The following TPST1 variants were observed in gnomAD, a reference collection of about 807,000 sequenced individuals.
The protein encoded by TPST1 is protein-tyrosine sulfotransferase 1.
Under a neutral mutation model 34.8 loss-of-function variants are expected in TPST1, and 20 were observed. The observed-to-expected ratio is 0.57, with a 90% CI of 0.40 to 0.84. The LOEUF (loss-of-function observed/expected upper bound fraction) is 0.84. Among genes scored for constraint, TPST1 ranks in the 40% least tolerant of loss-of-function variants. The probability of loss-of-function intolerance (pLI) is 0.00; values close to 1 mark genes in which losing one functional copy is unlikely to be tolerated. For missense variants in TPST1, 353 were observed against 455.5 expected, an observed-to-expected ratio of 0.78 and a Z score of 2.05; for synonymous variants, 152 against 159.4, an observed-to-expected ratio of 0.95 and a Z score of 0.35.
intron 2 of TPST1, among the ~76,000 whole-genome samples, chr7:66,268,945 A>G (rs1790644682): frequency 6.6e-6 from 1 of 152,238 alleles, no homozygotes; most frequent in Admixed American, 6.5e-5. Flanking sequence ...GGCCTCCCAA[A>G]GTGCTGAGGT....
At chr7:66,276,506 T>G (rs1790819372) in intron 2 of TPST1, among the ~76,000 whole-genome samples, 1 of 151,226 alleles carries the variant, frequency 6.6e-6, no homozygotes, top group South Asian at 2.1e-4. Flanking sequence ...CTCAAGTAGC[T>G]GCGAGTACAG....
intron 2 of TPST1, among the ~76,000 whole-genome samples, chr7:66,280,962 G>T (rs1048573096): frequency 1.3e-5 from 2 of 152,210 alleles, no homozygotes; most frequent in Admixed American, 1.3e-4. Flanking sequence ...TTGGCTGTGG[G>T]TTTGTCATAG....
intron 3 of TPST1, among the ~76,000 whole-genome samples, chr7:66,300,671 T>G (rs952674080): frequency 2.6e-5 from 4 of 152,140 alleles, no homozygotes; most frequent in Admixed American, 6.6e-5. Context: ...CAGGGCCAGG[T>G]GCAGTGTCTT....
rs570546476 is a variant in TPST1 at position 66,338,377 on chromosome 7, A to T, written c.1045-14128A>T. On this transcript the variant is annotated intron_variant, in intron 3 of 5. Transcript: ENST00000304842. Reference sequence around the variant, plus strand: ...TAAAGAGAGAGATAGACTGCAATACAGTAATACTAGGGAACATCCACACTT... The same window carrying T: ...TAAAGAGAGAGATAGACTGCAATACTGTAATACTAGGGAACATCCACACTT... 2.0e-5 allele frequency among the ~76,000 whole-genome samples: 3 copies of T among 152,334 alleles called. No homozygotes were observed. In the East Asian group the frequency reaches 5.8e-4, roughly 29 times the overall value.
chr7:66,301,792 T>C (rs1038506011), intron 3 of TPST1, among the ~76,000 whole-genome samples: 1 of 152,140 alleles, frequency 6.6e-6, no homozygotes, highest in African/African-American at 2.4e-5. Context: ...ACATCAAAGA[T>C]CTCTGATCGC....
chr7:66,202,269 G>A (rs1413761530), upstream of TPST1, among the ~76,000 whole-genome samples: 1 of 152,098 alleles, frequency 6.6e-6, no homozygotes, highest in East Asian at 1.9e-4. Flanking sequence ...CTGCCTCAGA[G>A]GCTGGACCCT....
rs1417258377 is a variant in TPST1, at chr7:66,286,591, A to G, written c.926A>G (p.Asp309Gly). 6.2e-7 allele frequency: 1 copy of G among 1,610,488 alleles called. No individual in the cohort carries two copies. Among genetic ancestry groups the G allele is most frequent in the African/African-American group, 1.3e-5 (1 of 74,798 alleles). Residue 309 changes from aspartate to glycine, a missense_variant, in exon 3 of 6, where the codon GAT (aspartate) becomes GGT (glycine). Asp to Gly is a moderately conservative substitution (Grantham distance 94). Transcript: ENST00000304842. ...LSKWVGKIPP[D>G]VLQDMAVIAP... ...AAATGGGTTGGGAAGATACCGCCAGATGTTTTACAAGACATGGCAGTGATT... is the reference window on the plus strand; with the variant it reads ...AAATGGGTTGGGAAGATACCGCCAGGTGTTTTACAAGACATGGCAGTGATT...
At chr7:66,283,429 A>C (rs1384180806) in intron 2 of TPST1, among the ~76,000 whole-genome samples, 1 of 152,126 alleles carries the variant, frequency 6.6e-6, no homozygotes, top group Non-Finnish European at 1.5e-5. Context: ...GTTAGATAGT[A>C]AATATTTTAG....
chr7:66,255,052 C>T (rs1202599588), intron 2 of TPST1, among the ~76,000 whole-genome samples: 2 of 148,078 alleles, frequency 1.4e-5, no homozygotes, highest in Non-Finnish European at 3.0e-5. Context: ...GAGGCTGAGG[C>T]AGGAGAATGG....
intron 5 of TPST1, among the ~76,000 whole-genome samples, chr7:66,358,760 G>C (rs373147673): frequency 6.6e-6 from 1 of 152,154 alleles, no homozygotes; most frequent in Non-Finnish European, 1.5e-5. Flanking sequence ...TCAGGCCTTG[G>C]CTAATTTTGT....
chr7:66,229,573 T>G (rs2116335029), intron 1 of TPST1, among the ~76,000 whole-genome samples: 1 of 152,362 alleles, frequency 6.6e-6, no homozygotes, highest in South Asian at 2.1e-4. Context: ...TTGGTGATTA[T>G]GACTAGAGCT....
intron 2 of TPST1, among the ~76,000 whole-genome samples, chr7:66,258,277 TC>T (rs1790418283): frequency 6.6e-6 from 1 of 152,234 alleles, no homozygotes; most frequent in Non-Finnish European, 1.5e-5. Context: ...CCTGTTAAAA[TC>T]CTTGGAAGAA....
chr7:66,292,824 C>G (rs1043959623), intron 3 of TPST1, among the ~76,000 whole-genome samples: 1 of 151,074 alleles, frequency 6.6e-6, no homozygotes, highest in African/African-American at 2.4e-5. Flanking sequence ...TCTTCTGCGT[C>G]GCTCACGCTG....
Position 66,240,473 on chromosome 7 carries a change from T to G in TPST1, c.48T>G (p.Ile16Met). The G allele has an allele frequency of 1.2e-6, 2 of 1,614,188 alleles. No homozygotes were observed. Among genetic ancestry groups the G allele is most frequent in the Non-Finnish European group, 1.7e-6 (2 of 1,180,036 alleles). Residue 16 changes from isoleucine to methionine, a missense_variant, in exon 2 of 6, where the codon ATT (isoleucine) becomes ATG (methionine). Transcript: ENST00000304842. ...ACTTACTATTGGCATGTCTGGTGAT[T>G]AGTTCTGTGACTGTGTTTTACCTGG... ...KQNLLLACLV[I>M]SSVTVFYLGQ...
intron 3 of TPST1, among the ~76,000 whole-genome samples, chr7:66,296,676 G>GT (rs55888171): frequency 0.033 from 3,066 of 92,076 alleles, 116 homozygotes; most frequent in East Asian, 0.099. Flanking sequence ...TACTGGGTTG[G>GT]TTTTTTTTTT....
chr7:66,309,889 T>C (rs1032205375), intron 3 of TPST1, among the ~76,000 whole-genome samples: 12 of 152,046 alleles, frequency 7.9e-5, no homozygotes, highest in Admixed American at 7.9e-4. Flanking sequence ...CATGTGTGCA[T>C]GGGAGTTATA....
chr7:66,329,278 G>A (rs1791948374), intron 3 of TPST1, among the ~76,000 whole-genome samples: 2 of 152,120 alleles, frequency 1.3e-5, no homozygotes, highest in South Asian at 4.1e-4. Flanking sequence ...TATTTGTTGT[G>A]TTGAAACTAT....
intron 1 of TPST1, among the ~76,000 whole-genome samples, chr7:66,227,042 T>TTTTTTTTG: frequency 7.7e-6 from 1 of 130,712 alleles, no homozygotes. Flanking sequence ...TTTTTTTTTT[T>TTTTTTTTG]TTTTTTTTTG....
chr7:66,348,862 G>A (rs779271973), intron 3 of TPST1, among the ~76,000 whole-genome samples: 2 of 152,162 alleles, frequency 1.3e-5, no homozygotes, highest in African/African-American at 2.4e-5. Flanking sequence ...GAATTTTTGC[G>A]TGAGCCTTTA....
Sources: allele counts gnomAD v4.1 joint callset (sites outside exome capture counted in the v4.1 genomes callset), GRCh38; gene constraint gnomAD v4.1.1; transcripts MANE v1.5; gene names NCBI Gene and HGNC (gene_info 2026-07-23, HGNC 2026-07-21).